PCSK6: variants seen among roughly 807,000 people sequenced by gnomAD.
The protein encoded by PCSK6 is paired basic amino acid cleaving enzyme 4.
Under a neutral mutation model 123.3 loss-of-function variants are expected in PCSK6, and 85 were observed. That is an observed-to-expected ratio of 0.69 (90% CI 0.58 to 0.83). The LOEUF is 0.83. Among genes scored for constraint, PCSK6 ranks in the 40% least tolerant of loss-of-function variants. The pLI is 0.00. For missense variants in PCSK6, 1,191 were observed against 1,282.3 expected (o/e 0.93, Z 1.09); for synonymous variants, 508 against 516.0 (o/e 0.98, Z 0.21).
At chr15:101,322,471 C>A in intron 18 of PCSK6, 49 bp downstream of exon 18, 4 of 1,319,068 alleles carry the variant, frequency 3.0e-6, no homozygotes, top group Non-Finnish European at 4.4e-6. Flanking sequence ...TAACACACTC[C>A]AAGCAGCGCC....
intron 13 of PCSK6, among the ~76,000 whole-genome samples, chr15:101,353,157 CCTGAG>C (rs949661661): frequency 2.0e-4 from 30 of 152,228 alleles, no homozygotes; most frequent in African/African-American, 7.2e-4. Context: ...CAGTGGGAGC[CCTGAG>C]CTTCTTTCCC....
chr15:101,313,574 C>A, intron 19 of PCSK6, 69 bp from the exon 20 acceptor site: 1 of 1,537,004 alleles, frequency 6.5e-7, no homozygotes, highest in South Asian at 1.2e-5. Context: ...AGGCCTGCTT[C>A]AGGGCCTTGT....
At chr15:101,403,066 A>G (rs1436601486) in intron 6 of PCSK6, among the ~76,000 whole-genome samples, 2 of 152,126 alleles carry the variant, frequency 1.3e-5, no homozygotes, top group South Asian at 2.1e-4. Context: ...TGTGGCACAT[A>G]TACGCCATGG....
chr15:101,319,930 G>A (rs988304868), intron 18 of PCSK6, among the ~76,000 whole-genome samples: 3 of 152,098 alleles, frequency 2.0e-5, no homozygotes, highest in Non-Finnish European at 4.4e-5. Flanking sequence ...CCCAAGGAGG[G>A]GTCATGGCAA....
intron 1 of PCSK6, among the ~76,000 whole-genome samples, chr15:101,487,844 A>G (rs996125402): frequency 1.3e-5 from 2 of 152,172 alleles, no homozygotes; most frequent in Admixed American, 6.5e-5. Flanking sequence ...AAAATCTGAA[A>G]TCACAGGATG....
chr15:101,318,979 T>C (rs1366970404), intron 18 of PCSK6, among the ~76,000 whole-genome samples: 1 of 152,198 alleles, frequency 6.6e-6, no homozygotes, highest in Non-Finnish European at 1.5e-5. Flanking sequence ...CCTTCCTCTT[T>C]CGCCCCATTT....
chr15:101,351,759 G>A (rs772625743), intron 13 of PCSK6, among the ~76,000 whole-genome samples: 8 of 152,236 alleles, frequency 5.3e-5, no homozygotes, highest in African/African-American at 1.9e-4. Flanking sequence ...CATGGGTGGT[G>A]GGAAAATGGG....
intron 1 of PCSK6, among the ~76,000 whole-genome samples, chr15:101,485,139 G>A (rs28559964): frequency 0.037 from 5,615 of 152,300 alleles, 354 homozygotes; most frequent in African/African-American, 0.13. Flanking sequence ...GGTGTGAAAT[G>A]GTATCTCATC....
chr15:101,427,748 G>GAC (rs1379062349), intron 6 of PCSK6, 144 bp downstream of exon 6: 29 of 614,084 alleles, frequency 4.7e-5, no homozygotes, highest in African/African-American at 3.7e-4. Context: ...CCATGATACA[G>GAC]ACGGCACTGC....
chr15:101,386,875 G>A (rs949756109), intron 9 of PCSK6, among the ~76,000 whole-genome samples: 9 of 152,194 alleles, frequency 5.9e-5, no homozygotes, highest in African/African-American at 2.2e-4. Flanking sequence ...ATCGTCTGGG[G>A]AGTCTGTTTA....
intron 3 of PCSK6, 27 bp downstream of exon 3, chr15:101,431,963 G>A (rs368213587): frequency 2.4e-5 from 37 of 1,513,096 alleles, no homozygotes; most frequent in Non-Finnish European, 3.1e-5. Flanking sequence ...AGTGTCCTGG[G>A]GCAGACAGAG....
chr15:101,417,858 C>G (rs370386998), intron 6 of PCSK6, among the ~76,000 whole-genome samples: 2 of 149,648 alleles, frequency 1.3e-5, no homozygotes, highest in East Asian at 4.0e-4. Context: ...TTTATTTTTA[C>G]GTACACTATT....
intron 13 of PCSK6, among the ~76,000 whole-genome samples, chr15:101,347,944 G>A (rs956935045): frequency 6.6e-6 from 1 of 152,198 alleles, no homozygotes; most frequent in Non-Finnish European, 1.5e-5. Context: ...CGGGGTGGTT[G>A]CTTAGCTGGG....
At chr15:101,436,349 C>T (rs147670087) in intron 2 of PCSK6, among the ~76,000 whole-genome samples, 6 of 152,336 alleles carry the variant, frequency 3.9e-5, no homozygotes, top group Non-Finnish European at 7.3e-5. Flanking sequence ...CTTTGAAGTA[C>T]GCACCGGCAG....
At chr15:101,425,334 G>A (rs1055100651) in intron 6 of PCSK6, among the ~76,000 whole-genome samples, 2 of 152,144 alleles carry the variant, frequency 1.3e-5, no homozygotes, top group African/African-American at 4.8e-5. Flanking sequence ...CAGCCAACCC[G>A]CTTCCTCCTG....
At chr15:101,407,317 C>T (rs545518718) in intron 6 of PCSK6, among the ~76,000 whole-genome samples, 4 of 152,322 alleles carry the variant, frequency 2.6e-5, no homozygotes, top group Admixed American at 2.6e-4. Context: ...CCTGGTACTG[C>T]GTCTGGGATA....
intron 2 of PCSK6, among the ~76,000 whole-genome samples, chr15:101,441,343 T>C (rs899652665): frequency 1.3e-5 from 2 of 152,048 alleles, no homozygotes; most frequent in Non-Finnish European, 2.9e-5. Flanking sequence ...GTCCAGGGTA[T>C]GGTGGCCCTC....
chr15:101,336,896 T>C (rs35297550), intron 13 of PCSK6: 42,709 of 152,216 alleles, frequency 0.28, 6,571 homozygotes, highest in Non-Finnish European at 0.35. Flanking sequence ...AGCAACCCCT[T>C]CCTGCATGTG....
intron 6 of PCSK6, among the ~76,000 whole-genome samples, chr15:101,423,131 C>CA (rs1366522596): frequency 6.6e-6 from 1 of 151,846 alleles, no homozygotes; most frequent in Non-Finnish European, 1.5e-5. Flanking sequence ...GTATTTCTTA[C>CA]AAACATGTTA....
Sources: allele counts gnomAD v4.1 joint callset (sites outside exome capture counted in the v4.1 genomes callset), GRCh38; gene constraint gnomAD v4.1.1; transcripts MANE v1.5; gene names NCBI Gene and HGNC (gene_info 2026-07-23, HGNC 2026-07-21).